The following RGPD8 variants were observed in gnomAD, a reference collection of about 807,000 sequenced individuals.
RGPD8 encodes the protein RANBP2-like and GRIP domain-containing protein 8.
Under a neutral mutation model 89.1 loss-of-function variants are expected in RGPD8, and 15 were observed. The ratio of observed to expected loss-of-function variants is 0.17; its 90% CI spans 0.11 to 0.26. The LOEUF is 0.26. Among genes scored for constraint, RGPD8 ranks in the 10% least tolerant of loss-of-function variants. RGPD8 has a pLI of 1.00. For synonymous variants in RGPD8, 62 were observed against 420.9 expected, an observed-to-expected ratio of 0.15 and a Z score of 10.44; for missense variants, 178 against 1,179.6, an observed-to-expected ratio of 0.15 and a Z score of 12.44.
intron 21 of RGPD8, among the ~76,000 whole-genome samples, chr2:112,380,348 T>C (rs1463725464): frequency 8.1e-6 from 1 of 123,450 alleles, no homozygotes; most frequent in Non-Finnish European, 1.8e-5. Flanking sequence ...AATCTTTATG[T>C]AATAGGTGTA....
At chr2:112,380,394 C>T (rs1030986176) in intron 21 of RGPD8, among the ~76,000 whole-genome samples, 4 of 126,334 alleles carry the variant, frequency 3.2e-5, no homozygotes, top group African/African-American at 1.1e-4. Flanking sequence ...TGGCTCACAC[C>T]TGTAATACCC....
intron 21 of RGPD8, among the ~76,000 whole-genome samples, 174 bp downstream of exon 21, chr2:112,380,650 C>CAAAAAAAAA (rs369818204): frequency 9.4e-4 from 103 of 109,236 alleles, no homozygotes; most frequent in East Asian, 1.6e-3. Flanking sequence ...AAGACTGTCT[C>CAAAAAAAAA]AAAAAAAAAA....
chr2:112,425,530 C>A (rs1358962971), intron 1 of RGPD8, among the ~76,000 whole-genome samples: 1 of 151,850 alleles, frequency 6.6e-6, no homozygotes, highest in African/African-American at 2.4e-5. Context: ...GAGACTGAGG[C>A]GGGTGGATCA....
At chr2:112,395,802 GT>G (rs1678809616) in intron 17 of RGPD8, among the ~76,000 whole-genome samples, 1 of 152,192 alleles carries the variant, frequency 6.6e-6, no homozygotes, top group East Asian at 1.9e-4. Flanking sequence ...CTCCAAAAAT[GT>G]TTTCTTAACA....
At chr2:112,410,945 C>T (rs1339292341) in intron 7 of RGPD8, among the ~76,000 whole-genome samples, 1 of 152,326 alleles carries the variant, frequency 6.6e-6, no homozygotes, top group Non-Finnish European at 1.5e-5. Context: ...ATTAGATGGG[C>T]GTGGTGGCGT....
intron 1 of RGPD8, among the ~76,000 whole-genome samples, chr2:112,429,147 G>T (rs541504227): frequency 2.0e-5 from 3 of 151,840 alleles, no homozygotes; most frequent in African/African-American, 7.3e-5. Flanking sequence ...GGGGCCGGGC[G>T]CGGTGGCTCA....
At chr2:112,373,971 TC>T (rs1270384089) in intron 22 of RGPD8, among the ~76,000 whole-genome samples, 1 of 63,314 alleles carries the variant, frequency 1.6e-5, no homozygotes, top group African/African-American at 5.8e-5. Context: ...CAGCTTGTAT[TC>T]TTTTGATTTA....
chr2:112,373,443 C>T (rs1379994923), intron 22 of RGPD8, among the ~76,000 whole-genome samples: 1 of 152,082 alleles, frequency 6.6e-6, no homozygotes. Flanking sequence ...CTTTACCCCC[C>T]TAAGCTAATG....
chr2:112,422,379 T>C (rs887710734), intron 3 of RGPD8, among the ~76,000 whole-genome samples, 169 bp downstream of exon 3: 4 of 151,566 alleles, frequency 2.6e-5, no homozygotes, highest in Admixed American at 6.6e-5. Context: ...TTACAATTTA[T>C]AGGTGTTAAA....
chr2:112,425,683 C>T (rs560822431), intron 1 of RGPD8, among the ~76,000 whole-genome samples: 13 of 150,656 alleles, frequency 8.6e-5, no homozygotes, highest in Non-Finnish European at 1.6e-4. Flanking sequence ...CACTTGAACC[C>T]GGGAGGCAGA....
intron 1 of RGPD8, among the ~76,000 whole-genome samples, chr2:112,431,115 C>T (rs925989722): frequency 3.9e-5 from 6 of 152,002 alleles, no homozygotes; most frequent in South Asian, 2.1e-4. Flanking sequence ...AACAAAACAG[C>T]GGGTGTGGTG....
At chr2:112,379,280 T>C (rs1678194792) in intron 21 of RGPD8, among the ~76,000 whole-genome samples, 2 of 152,122 alleles carry the variant, frequency 1.3e-5, no homozygotes, top group East Asian at 3.9e-4. Flanking sequence ...GAAGAAATCA[T>C]GAAGAGAGTA....
chr2:112,427,007 A>G (rs1244661400), intron 1 of RGPD8, among the ~76,000 whole-genome samples: 2 of 151,992 alleles, frequency 1.3e-5, no homozygotes, highest in African/African-American at 2.4e-5. Flanking sequence ...ATGTTGGCCA[A>G]GATGGTGTCG....
intron 22 of RGPD8, 136 bp from the exon 23 acceptor site, chr2:112,370,348 T>TCGG (rs377253314): frequency 1.6e-5 from 1 of 63,970 alleles, no homozygotes; most frequent in South Asian, 2.4e-4. Context: ...CCTTTTTTGG[T>TCGG]GGGGGGGGGG....
intron 20 of RGPD8, among the ~76,000 whole-genome samples, chr2:112,382,004 C>T (rs1678321002): frequency 1.3e-5 from 2 of 152,274 alleles, no homozygotes; most frequent in African/African-American, 4.8e-5. Context: ...CTGGGGAAGG[C>T]AGACCCACCC....
At chr2:112,429,003 C>A (rs1203611374) in intron 1 of RGPD8, among the ~76,000 whole-genome samples, 2 of 151,400 alleles carry the variant, frequency 1.3e-5, no homozygotes, top group African/African-American at 2.4e-5. Context: ...AAATATTTAC[C>A]TTCTATTTAT....
At position 112,403,910 on chromosome 2, in the gene RGPD8, T is replaced by C; in HGVS notation, c.1276+56A>G. On this transcript the variant is annotated intron_variant, in intron 9 of 22. Transcript: ENST00000302558. Reference sequence around the variant, plus strand: ...TCGTTATTTCTGGGTAATAACATTATGGGCAATTTATAAGAATTAAGACGG... The same window carrying C: ...TCGTTATTTCTGGGTAATAACATTACGGGCAATTTATAAGAATTAAGACGG... The C allele has an allele frequency of 1.9e-6, 3 of 1,556,490 alleles. 1 individual carries two copies. Among genetic ancestry groups the C allele is most frequent in the South Asian group, 2.3e-5 (2 of 87,642 alleles).
At chr2:112,411,617 C>T (rs1679210739) in intron 7 of RGPD8, among the ~76,000 whole-genome samples, 1 of 57,672 alleles carries the variant, frequency 1.7e-5, no homozygotes, top group South Asian at 7.7e-4. Context: ...GCGCGCCAGG[C>T]GCAGTGCCTC....
intron 20 of RGPD8, among the ~76,000 whole-genome samples, chr2:112,382,710 AC>A (rs1678361556): frequency 1.4e-5 from 2 of 143,124 alleles, no homozygotes; most frequent in Non-Finnish European, 3.1e-5. Flanking sequence ...TTACAGAGGT[AC>A]ACAATAAAAT....
Sources: gnomAD v4.1 joint callset for allele counts (sites outside exome capture counted in the v4.1 genomes callset) on GRCh38, gnomAD v4.1.1 for gene constraint, MANE v1.5 for transcripts, NCBI Gene and HGNC (gene_info 2026-07-23, HGNC 2026-07-21) for gene names.